The following ADGRV1 variants were observed in gnomAD, a reference collection of about 807,000 sequenced individuals.
ADGRV1 encodes the protein adhesion G protein-coupled receptor V1, also known as G-protein coupled receptor 98.
In ADGRV1, 359 loss-of-function variants were observed where a neutral mutation model predicts 596.2. The observed-to-expected ratio is 0.60, with a 90% CI of 0.55 to 0.66. The LOEUF is 0.66. Ranked by LOEUF, ADGRV1 falls within the 30% of genes least tolerant of loss-of-function variation. The pLI, the probability that ADGRV1 is intolerant of heterozygous loss-of-function variation, is 0.00. For missense variants in ADGRV1, 7,274 were observed against 7,575.6 expected (o/e 0.96, Z 1.48); for synonymous variants, 2,681 against 2,679.2 (o/e 1.00, Z -0.02).
intron 28 of ADGRV1, among the ~76,000 whole-genome samples, chr5:90,685,402 G>C (rs545478957): frequency 6.4e-4 from 97 of 152,104 alleles, no homozygotes; most frequent in African/African-American, 2.2e-3. Flanking sequence ...GGGCAACATG[G>C]TGAAACCCCA....
rs1764647058 is a variant in ADGRV1, at chr5:90,832,984, A to T, written c.16611+3798A>T. Among the ~76,000 whole-genome samples the T allele has an allele frequency of 2.0e-5, 3 of 152,078 alleles. No homozygotes were observed. The South Asian group carries it at 6.2e-4, about 32-fold the overall frequency. ...ATATGTCTGTTTTTATGCCAGTACC[A>T]TGCTGTTTTGGTTACTGTCACTCTC... On this transcript the variant is annotated intron_variant, in intron 77 of 89. Coordinates refer to ENST00000405460, the MANE Select transcript of ADGRV1 (RefSeq NM_032119.4).
chr5:90,934,694 G>T (rs936219378), intron 83 of ADGRV1, among the ~76,000 whole-genome samples: 1 of 152,172 alleles, frequency 6.6e-6, no homozygotes, highest in African/African-American at 2.4e-5. Flanking sequence ...AGCTAGGGCT[G>T]CCATAACAAA....
chr5:90,712,447 T>TA lies in ADGRV1; in HGVS notation c.9184+22dup. On this transcript the variant is annotated intron_variant, in intron 42 of 89. Transcript: ENST00000405460. ...ACAATAGGTAATTAATAATTTCTTA[T>TA]AAACAGCTTCCTCTCCTTCATGCTG... is the stretch of plus-strand genomic sequence containing the variant. 2 of 1,554,616 alleles carry TA rather than the reference T, an allele frequency of 1.3e-6. No individual in the cohort carries two copies. Among genetic ancestry groups the TA allele is most frequent in the Non-Finnish European group, 8.8e-7 (1 of 1,140,386 alleles).
intron 53 of ADGRV1, among the ~76,000 whole-genome samples, chr5:90,753,282 A>C (rs1027107365): frequency 6.6e-6 from 1 of 152,178 alleles, no homozygotes; most frequent in African/African-American, 2.4e-5. Context: ...TTAGATTCCC[A>C]GAGAGACTGT....
chr5:90,703,107 A>G (rs1257727721), intron 34 of ADGRV1, among the ~76,000 whole-genome samples: 1 of 152,088 alleles, frequency 6.6e-6, no homozygotes, highest in African/African-American at 2.4e-5. Flanking sequence ...TAACTTTGGC[A>G]AAGTTACAGA....
At chr5:90,802,500 G>A (rs773329652) in intron 70 of ADGRV1, among the ~76,000 whole-genome samples, 10 of 152,126 alleles carry the variant, frequency 6.6e-5, no homozygotes, top group Non-Finnish European at 7.3e-5. Flanking sequence ...CAAAGTGCTG[G>A]GATTACAGGT....
chr5:90,763,173 C>A, intron 58 of ADGRV1, 132 bp from the exon 59 acceptor site: 1 of 847,336 alleles, frequency 1.2e-6, no homozygotes, highest in Admixed American at 3.3e-5. Flanking sequence ...ATTTTTCTGC[C>A]ACATGATAAT....
chr5:91,025,859 A>T (rs1207777086), intron 85 of ADGRV1, among the ~76,000 whole-genome samples: 2 of 152,208 alleles, frequency 1.3e-5, no homozygotes, highest in Non-Finnish European at 2.9e-5. Flanking sequence ...TAAGCTTGGC[A>T]GGTGAGCTTC....
chr5:90,805,383 G>A lies in ADGRV1; in HGVS notation c.14761G>A (p.Ala4921Thr), dbSNP rs200115167. 1,251 of 1,610,862 alleles carry A rather than the reference G, an allele frequency of 7.8e-4. No individual in the cohort carries two copies. The highest frequency in any genetic ancestry group is 1.1e-3 in the Admixed American group (68 of 59,994). ...RRGTYGALSV[A>T]WTTGYAPGLE... ...AGGCACATATGGAGCTCTCTCGGTT[G>A]CCTGGACCACTGGATATGCTCCTGG... is the stretch of plus-strand genomic sequence containing the variant. Residue 4921 changes from alanine to threonine, a missense_variant, in exon 72 of 90, where the codon GCC (alanine) becomes ACC (threonine). Ala to Thr is a moderately conservative substitution (Grantham distance 58, BLOSUM62 0). This residue lies in a region of ADGRV1 where 1,874 missense variants were observed against 1,970.2 expected (regional missense o/e 0.95). Coordinates refer to ENST00000405460, the MANE Select transcript of ADGRV1 (RefSeq NM_032119.4).
intron 83 of ADGRV1, among the ~76,000 whole-genome samples, chr5:90,928,707 T>C (rs1774816743): frequency 6.6e-6 from 1 of 150,822 alleles, no homozygotes; most frequent in South Asian, 2.1e-4. Flanking sequence ...GGAGAGGCGC[T>C]CTGCTTTTTA....
At chr5:90,873,427 A>G (rs1325665178) in intron 83 of ADGRV1, among the ~76,000 whole-genome samples, 2 of 152,152 alleles carry the variant, frequency 1.3e-5, no homozygotes, top group Non-Finnish European at 2.9e-5. Context: ...AGATGATGGC[A>G]TGTGCAAGTG....
intron 16 of ADGRV1, 131 bp downstream of exon 16, chr5:90,646,222 A>AT: frequency 2.5e-6 from 1 of 401,636 alleles, no homozygotes; most frequent in Non-Finnish European, 3.9e-6. Flanking sequence ...ATATTTAGCA[A>AT]TTTTTTTCAT....
At chr5:91,057,689 A>G (rs543050443) in intron 85 of ADGRV1, among the ~76,000 whole-genome samples, 1 of 152,142 alleles carries the variant, frequency 6.6e-6, no homozygotes, top group African/African-American at 2.4e-5. Flanking sequence ...ACTGAAGCCA[A>G]TTTTTTTTGG....
At chr5:90,712,930 T>G (rs16869029) in intron 42 of ADGRV1, among the ~76,000 whole-genome samples, 1,546 of 152,210 alleles carry the variant, frequency 0.01, 18 homozygotes, top group African/African-American at 0.035. Flanking sequence ...AACAGTTTGA[T>G]ATTGTTGCTA....
intron 21 of ADGRV1, among the ~76,000 whole-genome samples, chr5:90,671,502 G>T (rs1275942372): frequency 6.6e-6 from 1 of 152,184 alleles, no homozygotes; most frequent in Non-Finnish European, 1.5e-5. Flanking sequence ...CTGCTGCTCA[G>T]TGAAACTCAG....
intron 82 of ADGRV1, among the ~76,000 whole-genome samples, chr5:90,862,509 C>T (rs1399648988): frequency 6.6e-6 from 1 of 152,088 alleles, no homozygotes; most frequent in African/African-American, 2.4e-5. Flanking sequence ...AGCATCAACT[C>T]CAGTAGTATA....
At chr5:91,113,973 C>T (rs1260155204) in intron 87 of ADGRV1, among the ~76,000 whole-genome samples, 1 of 152,080 alleles carries the variant, frequency 6.6e-6, no homozygotes, top group African/African-American at 2.4e-5. Flanking sequence ...AATCCCAGCA[C>T]TTTGGGAAGC....
intron 84 of ADGRV1, among the ~76,000 whole-genome samples, chr5:90,970,035 G>A (rs373276179): frequency 3.9e-5 from 6 of 152,348 alleles, no homozygotes; most frequent in East Asian, 1.9e-4. Flanking sequence ...CTAATACTGC[G>A]CTTTTCCAAT....
intron 77 of ADGRV1, among the ~76,000 whole-genome samples, chr5:90,829,506 G>A (rs1764351727): frequency 6.6e-6 from 1 of 152,166 alleles, no homozygotes; most frequent in African/African-American, 2.4e-5. Context: ...TTGAAGGCCA[G>A]AAGCAGAAAG....
Sources: gnomAD v4.1 joint callset for allele counts (sites outside exome capture counted in the v4.1 genomes callset) on GRCh38, gnomAD v4.1.1 for gene constraint, gnomAD v4.1.1 regional missense constraint, MANE v1.5 for transcripts, NCBI Gene and HGNC (gene_info 2026-07-23, HGNC 2026-07-21) for gene names.